TRPM3: variants seen among roughly 807,000 people sequenced by gnomAD.
TRPM3 encodes the protein transient receptor potential cation channel subfamily M member 3, also known as long transient receptor potential channel 3.
A neutral mutation model predicts 181.2 loss-of-function variants in TRPM3; 77 were observed. The ratio of observed to expected loss-of-function variants is 0.42; its 90% CI spans 0.35 to 0.51. The LOEUF is 0.51. TRPM3 is among the 20% of genes least tolerant of loss of function. The probability of loss-of-function intolerance (pLI) is 0.01; values close to 1 mark genes in which losing one functional copy is unlikely to be tolerated. For missense variants in TRPM3, 1,759 were observed against 2,196.7 expected, an observed-to-expected ratio of 0.80 and a Z score of 3.98; for synonymous variants, 745 against 796.4, an observed-to-expected ratio of 0.94 and a Z score of 1.09.
intron 1 of TRPM3, among the ~76,000 whole-genome samples, chr9:70,971,849 C>A (rs1002969946): frequency 6.6e-6 from 1 of 152,084 alleles, no homozygotes; most frequent in African/African-American, 2.4e-5. Context: ...TGCTCAATAT[C>A]ATTAGTCATT....
chr9:71,384,745 T>C (rs1045928317), intron 1 of TRPM3, among the ~76,000 whole-genome samples: 3 of 152,172 alleles, frequency 2.0e-5, no homozygotes, highest in African/African-American at 7.2e-5. Context: ...TTTATTTCAG[T>C]CATTAAATTC....
chr9:71,136,690 G>A (rs1035835936), intron 1 of TRPM3, among the ~76,000 whole-genome samples: 3 of 152,236 alleles, frequency 2.0e-5, no homozygotes, highest in Non-Finnish European at 2.9e-5. Context: ...ATGCGAAGAG[G>A]GCACAGGAAC....
chr9:71,377,241 T>C (rs1261197752), intron 1 of TRPM3, among the ~76,000 whole-genome samples: 1 of 152,042 alleles, frequency 6.6e-6, no homozygotes, highest in Non-Finnish European at 1.5e-5. Context: ...CGATAGCAGA[T>C]CATTATAATA....
intron 1 of TRPM3, among the ~76,000 whole-genome samples, chr9:71,199,835 A>G (rs2078660564): frequency 6.6e-6 from 1 of 151,614 alleles, no homozygotes; most frequent in Admixed American, 6.6e-5. Flanking sequence ...TCCTGGATTC[A>G]TTAATTTTTT....
chr9:71,148,550 T>C (rs1239485330), intron 1 of TRPM3, among the ~76,000 whole-genome samples: 3 of 152,146 alleles, frequency 2.0e-5, no homozygotes, highest in African/African-American at 7.2e-5. Flanking sequence ...GAGCAGAATA[T>C]ACAGCCAGTG....
chr9:71,123,004 A>G (rs531350116), upstream of TRPM3, among the ~76,000 whole-genome samples: 5 of 152,200 alleles, frequency 3.3e-5, no homozygotes, highest in Non-Finnish European at 7.3e-5. Context: ...GCCCATGTCA[A>G]CCTTATGGAG....
intron 1 of TRPM3, among the ~76,000 whole-genome samples, chr9:71,402,685 C>A (rs1328217448): frequency 6.6e-6 from 1 of 152,140 alleles, no homozygotes; most frequent in Non-Finnish European, 1.5e-5. Context: ...GAGAGTTGTA[C>A]TCCTTGGTAG....
intron 1 of TRPM3, among the ~76,000 whole-genome samples, chr9:71,373,840 C>A (rs1424259535): frequency 6.6e-6 from 1 of 152,132 alleles, no homozygotes; most frequent in Non-Finnish European, 1.5e-5. Flanking sequence ...AAACTTCAGG[C>A]CAATATCCTT....
At position 70,968,394 on chromosome 9, in the gene TRPM3, A is replaced by T. The variant is rs911826149; in HGVS notation, c.178-103883T>A. On this transcript the variant is annotated intron_variant, in intron 1 of 25. Coordinates refer to ENST00000677713, the MANE Select transcript of TRPM3 (RefSeq NM_001366145.2). ...TCAAATGGTGATTGTTATACACTCA[A>T]GTGGATTCCTTCCTTCCTTTATCAT... Among the ~76,000 whole-genome samples, 5 of 152,252 alleles carry T rather than the reference A, an allele frequency of 3.3e-5. No homozygotes were observed. The South Asian group carries it at 8.3e-4, about 25-fold the overall frequency.
At chr9:71,143,364 A>T (rs958260041) in intron 1 of TRPM3, among the ~76,000 whole-genome samples, 1 of 151,960 alleles carries the variant, frequency 6.6e-6, no homozygotes, top group African/African-American at 2.4e-5. Flanking sequence ...GAAAGGCCCC[A>T]GTGGGTGTTG....
rs191580068 is a variant in TRPM3, at chr9:70,570,728, C to A, written c.3224-17418G>T. On this transcript the variant is annotated intron_variant, in intron 22 of 25. Transcript: ENST00000677713. Reference sequence around the variant, plus strand: ...TGAATATCGGGTTATTATGACACGACCTGTCAACTACTGGAGAAAGTAGAT... The same window carrying A: ...TGAATATCGGGTTATTATGACACGAACTGTCAACTACTGGAGAAAGTAGAT... Among the ~76,000 whole-genome samples the A allele has an allele frequency of 3.7e-3, 566 of 152,248 alleles. 2 individuals carry two copies. The highest frequency in any genetic ancestry group is 3.2e-3 in the Non-Finnish European group (221 of 68,026).
chr9:71,378,501 G>C (rs1039642093), intron 1 of TRPM3, among the ~76,000 whole-genome samples: 1 of 151,984 alleles, frequency 6.6e-6, no homozygotes. Context: ...TCATTTTCCT[G>C]GTTCTGACAA....
chr9:71,179,552 A>G (rs1453865018), intron 1 of TRPM3, among the ~76,000 whole-genome samples: 4 of 152,200 alleles, frequency 2.6e-5, no homozygotes, highest in Non-Finnish European at 2.9e-5. Context: ...GACAGTTTAG[A>G]TAATTCTGAA....
intron 1 of TRPM3, among the ~76,000 whole-genome samples, chr9:71,152,689 A>G (rs569086575): frequency 6.6e-6 from 1 of 152,250 alleles, no homozygotes; most frequent in Non-Finnish European, 1.5e-5. Context: ...AAGGTTGTCC[A>G]AGGTTGAGGC....
At chr9:71,163,373 G>A in intron 1 of TRPM3, among the ~76,000 whole-genome samples, 1 of 152,104 alleles carries the variant, frequency 6.6e-6, no homozygotes, top group East Asian at 1.9e-4. Flanking sequence ...TGAGACTGAT[G>A]TTGATTAGGG....
At chr9:71,386,306 C>T (rs952670278) in intron 1 of TRPM3, among the ~76,000 whole-genome samples, 11 of 151,694 alleles carry the variant, frequency 7.3e-5, no homozygotes, top group South Asian at 4.2e-4. Flanking sequence ...AAAATTAGCC[C>T]GGTGTGGCGG....
At position 70,625,313 on chromosome 9, in the gene TRPM3, A is replaced by T; in HGVS notation, c.1687T>A (p.Tyr563Asn). ...IYFKGNLPPD[Y>N]RISLIDIGLV... ...CCGATGTCAATCAGGCTGATTCTGTAGTCTGGGGGCAGGTTCCCCTATCAG... is the reference window on the plus strand; with the variant it reads ...CCGATGTCAATCAGGCTGATTCTGTTGTCTGGGGGCAGGTTCCCCTATCAG... Residue 563 changes from tyrosine to asparagine, a missense_variant, in exon 14 of 26, where the codon TAC (tyrosine) becomes AAC (asparagine). This residue lies in a region of TRPM3 where 737 missense variants were observed against 957.4 expected (regional missense o/e 0.77). Transcript: ENST00000677713. The surrounding 1 kb of genome is among the most constrained non-coding windows in gnomAD (Gnocchi z 4.8). The T allele has an allele frequency of 6.2e-7, 1 of 1,614,196 alleles. No homozygotes were observed. The highest frequency in any genetic ancestry group is 8.5e-7 in the Non-Finnish European group (1 of 1,180,034).
chr9:70,674,710 C>T (rs1367202907), intron 9 of TRPM3, among the ~76,000 whole-genome samples: 1 of 149,154 alleles, frequency 6.7e-6, no homozygotes, highest in Non-Finnish European at 1.5e-5. Context: ...CATGCATATG[C>T]CACTATTCAG....
intron 1 of TRPM3, among the ~76,000 whole-genome samples, chr9:71,255,460 C>T (rs1164209150): frequency 6.6e-6 from 1 of 152,106 alleles, no homozygotes; most frequent in African/African-American, 2.4e-5. Context: ...AACTGCCTCG[C>T]CATAATCAGT....
Sources: gnomAD v4.1 joint callset for allele counts (sites outside exome capture counted in the v4.1 genomes callset) on GRCh38, gnomAD v4.1.1 for gene constraint, gnomAD v4.1.1 regional missense constraint, Gnocchi (gnomAD v3.1) non-coding constraint, MANE v1.5 for transcripts, NCBI Gene and HGNC (gene_info 2026-07-23, HGNC 2026-07-21) for gene names.